Variants in KIAA1217 observed in about 807,000 individuals in gnomAD.
KIAA1217 encodes KIAA1217.
A neutral mutation model predicts 163.9 loss-of-function variants in KIAA1217; 88 were observed. The ratio of observed to expected loss-of-function variants is 0.54; its 90% CI spans 0.45 to 0.64. KIAA1217 has a LOEUF of 0.64. Among genes scored for constraint, KIAA1217 ranks in the 30% least tolerant of loss-of-function variants. KIAA1217 has a pLI of 0.00. For synonymous variants in KIAA1217, 903 were observed against 923.1 expected (o/e 0.98, Z 0.39); for missense variants, 2,372 against 2,475.0 (o/e 0.96, Z 0.88).
intron 1 of KIAA1217, among the ~76,000 whole-genome samples, chr10:23,740,666 T>G (rs1839056164): frequency 6.6e-6 from 1 of 152,152 alleles, no homozygotes. Context: ...GGCCTTGTTT[T>G]GATTTTTGAA....
intron 2 of KIAA1217, among the ~76,000 whole-genome samples, chr10:24,053,993 GA>G (rs995986660): frequency 1.9e-4 from 28 of 151,172 alleles, no homozygotes; most frequent in Admixed American, 6.6e-4. Flanking sequence ...AATTTCAAGG[GA>G]AAAAAAAAGT....
At chr10:23,964,110 G>A (rs1365926736) in intron 1 of KIAA1217, among the ~76,000 whole-genome samples, 1 of 151,736 alleles carries the variant, frequency 6.6e-6, no homozygotes, top group African/African-American at 2.4e-5. Flanking sequence ...CACCATGTTG[G>A]CTAGGATGGT....
chr10:24,421,384 C>A (rs983448884), intron 3 of KIAA1217, among the ~76,000 whole-genome samples: 2 of 152,148 alleles, frequency 1.3e-5, no homozygotes, highest in African/African-American at 4.8e-5. Context: ...ATATATTGAT[C>A]CTGTATCATT....
chr10:23,810,557 G>A (rs770361199), intron 1 of KIAA1217, among the ~76,000 whole-genome samples: 1 of 127,424 alleles, frequency 7.8e-6, no homozygotes, highest in South Asian at 2.3e-4. Flanking sequence ...TCTATATATA[G>A]TATATATAGT....
Position 24,415,062 on chromosome 10 carries a change from TG to T in KIAA1217, c.554-17931del, listed in dbSNP as rs777611972. Among the ~76,000 whole-genome samples, 152 of 151,430 alleles carry T rather than the reference TG, an allele frequency of 1.0e-3. 1 individual carries two copies. Among genetic ancestry groups the T allele is most frequent in the Non-Finnish European group, 1.8e-3 (121 of 67,942 alleles). On this transcript the variant is annotated intron_variant, in intron 3 of 20. Transcript: ENST00000376454. ...GATGGCTGCTCTTAAAGTCCCTGCA[TG>T]GTTGGAGGCCCGGCAGTCTGGAGCA...
chr10:24,542,147 T>A (rs2075194911), intron 17 of KIAA1217, among the ~76,000 whole-genome samples: 1 of 152,132 alleles, frequency 6.6e-6, no homozygotes, highest in Non-Finnish European at 1.5e-5. Flanking sequence ...TATAGGATAA[T>A]CTCCATAACA....
At chr10:23,888,729 T>C (rs79522600) in intron 1 of KIAA1217, among the ~76,000 whole-genome samples, 2,928 of 152,028 alleles carry the variant, frequency 0.019, 91 homozygotes, top group African/African-American at 0.066. Context: ...TGAACTTTTT[T>C]ATGTATAATT....
chr10:24,386,420 G>A (rs1432288254), intron 3 of KIAA1217, among the ~76,000 whole-genome samples: 1 of 152,182 alleles, frequency 6.6e-6, no homozygotes, highest in African/African-American at 2.4e-5. Flanking sequence ...GTACATGCAA[G>A]GCTGAGTAGG....
At chr10:24,534,105 G>A (rs971837882) in intron 16 of KIAA1217, among the ~76,000 whole-genome samples, 2 of 152,198 alleles carry the variant, frequency 1.3e-5, no homozygotes, top group Non-Finnish European at 2.9e-5. Context: ...ATGGCTTTGT[G>A]CCAACCCATA....
In KIAA1217 at chr10:23,851,369, T is replaced by C. The variant is rs529365925; in HGVS notation, c.-320-155856T>C. Among the ~76,000 whole-genome samples, 65 of 152,330 alleles carry C rather than the reference T, an allele frequency of 4.3e-4. 1 individual carries two copies. In the South Asian group the frequency reaches 0.011, roughly 27 times the overall value. On this transcript the variant is annotated intron_variant, in intron 1 of 18. Coordinates refer to the KIAA1217 transcript ENST00000376462. ...CATCATTTTTATGGCTGCATAGTAT[T>C]CCATGATGTATATGTGCCACATTTT...
At chr10:23,947,727 A>G (rs952465257) in intron 1 of KIAA1217, among the ~76,000 whole-genome samples, 3 of 152,226 alleles carry the variant, frequency 2.0e-5, no homozygotes, top group Non-Finnish European at 2.9e-5. Flanking sequence ...TGAGACACAG[A>G]TGGGAACCCA....
chr10:24,341,007 G>A (rs771455854), intron 2 of KIAA1217, among the ~76,000 whole-genome samples: 7 of 151,144 alleles, frequency 4.6e-5, no homozygotes, highest in Non-Finnish European at 8.8e-5. Context: ...TGAGAAATGC[G>A]AATTTTTTCT....
At chr10:24,323,809 G>A (rs1294978272) in intron 2 of KIAA1217, among the ~76,000 whole-genome samples, 2 of 151,490 alleles carry the variant, frequency 1.3e-5, no homozygotes, top group East Asian at 3.9e-4. Flanking sequence ...GTGTGTGTGT[G>A]TGTGTGTGTG....
At chr10:23,775,767 T>C (rs1834984185) in intron 1 of KIAA1217, among the ~76,000 whole-genome samples, 1 of 152,190 alleles carries the variant, frequency 6.6e-6, no homozygotes, top group Non-Finnish European at 1.5e-5. Flanking sequence ...TTGTCCGGAG[T>C]ATTGCATTAA....
chr10:23,760,660 G>C (rs1185406971), intron 1 of KIAA1217, among the ~76,000 whole-genome samples: 1 of 152,208 alleles, frequency 6.6e-6, no homozygotes, highest in East Asian at 1.9e-4. Context: ...GTAAGAACAA[G>C]TCAGGTGTGG....
chr10:24,545,183 G>T, intron 20 of KIAA1217, 80 bp downstream of exon 20: 2 of 1,575,362 alleles, frequency 1.3e-6, no homozygotes, highest in Non-Finnish European at 8.7e-7. Context: ...ACCAAATATT[G>T]TGCTTTCTTT....
intron 1 of KIAA1217, among the ~76,000 whole-genome samples, chr10:23,805,996 C>CAAAAAAAAAA (rs71397917): frequency 3.8e-3 from 116 of 30,500 alleles, no homozygotes; most frequent in Middle Eastern, 0.031. Flanking sequence ...AACTCCATCT[C>CAAAAAAAAAA]AAAAAAAAAA....
chr10:24,524,813 A>G lies in KIAA1217; in HGVS notation c.2898+49A>G, dbSNP rs1386524115. 7 of 1,446,954 alleles carry G rather than the reference A, an allele frequency of 4.8e-6. No individual in the cohort carries two copies. The African/African-American group carries it at 7.1e-5, about 15-fold the overall frequency. The allele number at this position is 1,446,954 out of a possible 1,614,324, so 89.6% of individuals were successfully genotyped here. A position where few individuals can be genotyped will look rare whatever the true frequency, so the allele number is the denominator to read the frequency against. ...ATAACCCCATAAAGGAGTCTGATAC[A>G]TGGACCTTTCCCTTAAAGCATTTAT... On this transcript the variant is annotated intron_variant, in intron 13 of 20. Transcript: ENST00000376454.
chr10:23,753,360 A>T (rs1268024852), intron 1 of KIAA1217, among the ~76,000 whole-genome samples: 1 of 152,202 alleles, frequency 6.6e-6, no homozygotes, highest in Non-Finnish European at 1.5e-5. Flanking sequence ...TAATGGAAAT[A>T]ATCTGAGAGC....
Sources: gnomAD v4.1 joint callset for allele counts (sites outside exome capture counted in the v4.1 genomes callset) on GRCh38, gnomAD v4.1.1 for gene constraint, MANE v1.5 for transcripts, NCBI Gene and HGNC (gene_info 2026-07-23, HGNC 2026-07-21) for gene names.